KATNAL2: variants seen among roughly 807,000 people sequenced by gnomAD.
The protein encoded by KATNAL2 is katanin p60 ATPase-containing subunit A-like 2.
In KATNAL2, 52 loss-of-function variants were observed where a neutral mutation model predicts 76.3. The observed-to-expected ratio is 0.68, with a 90% CI of 0.55 to 0.86. KATNAL2 has a LOEUF of 0.86. Ranked by LOEUF, KATNAL2 falls within the 40% of genes least tolerant of loss-of-function variation. KATNAL2 has a pLI of 0.00. For synonymous variants in KATNAL2, 243 were observed against 244.2 expected (o/e 1.00, Z 0.05); for missense variants, 660 against 668.9 (o/e 0.99, Z 0.15).
At chr18:47,060,465 A>G (rs564369802) in intron 8 of KATNAL2, among the ~76,000 whole-genome samples, 82 of 152,296 alleles carry the variant, frequency 5.4e-4, no homozygotes, top group Middle Eastern at 6.8e-3. Context: ...TTCATAATGA[A>G]TCTCATGTCT....
Position 46,929,185 on chromosome 18 carries a change from C to T in KATNAL2, c.-510+11259C>T, listed in dbSNP as rs576706748. Among the ~76,000 whole-genome samples the T allele has an allele frequency of 2.6e-4, 39 of 151,774 alleles. No individual in the cohort carries two copies. The South Asian group carries it at 7.5e-3, about 29-fold the overall frequency. ...ATACAGCGTATACTCTTCTGCTTGG[C>T]TTTTTAAATTCAGCATAAATTATTT... On this transcript the variant is annotated intron_variant, in intron 1 of 17. Transcript: ENST00000683218.
At chr18:47,037,791 T>C (rs998818) in intron 3 of KATNAL2, among the ~76,000 whole-genome samples, 7,430 of 152,270 alleles carry the variant, frequency 0.049, 280 homozygotes, top group East Asian at 0.13. Context: ...CACATTATTA[T>C]TTTAAGACCT....
intron 3 of KATNAL2, among the ~76,000 whole-genome samples, chr18:47,039,637 T>TG (rs2060896070): frequency 6.6e-6 from 1 of 152,218 alleles, no homozygotes; most frequent in Non-Finnish European, 1.5e-5. Flanking sequence ...CCCAGTGCAG[T>TG]GGATCCAGTA....
At position 47,044,201 on chromosome 18, in the gene KATNAL2, G is replaced by A. The variant is rs191395615; in HGVS notation, c.52-2256G>A. On this transcript the variant is annotated intron_variant, in intron 3 of 17. Transcript: ENST00000683218. The stretch of plus-strand genomic sequence containing the variant: ...TACACTAACACTAATGATAGCTGAT[G>A]AGAAAAAAAAAGCAAAAAAAAATCT... 4.6e-5 allele frequency among the ~76,000 whole-genome samples: 7 copies of A among 151,396 alleles called. No homozygotes were observed. The East Asian group carries it at 1.2e-3, about 25-fold the overall frequency.
intron 3 of KATNAL2, among the ~76,000 whole-genome samples, chr18:46,949,110 C>G (rs968630714): frequency 6.6e-6 from 1 of 152,064 alleles, no homozygotes; most frequent in Non-Finnish European, 1.5e-5. Flanking sequence ...GTTGTCCAGG[C>G]TGGTCTTGAA....
At chr18:47,065,507 T>G (rs1455239136) in intron 10 of KATNAL2, among the ~76,000 whole-genome samples, 1 of 151,956 alleles carries the variant, frequency 6.6e-6, no homozygotes, top group African/African-American at 2.4e-5. Context: ...AGAGACCATT[T>G]CTAGAGACCC....
chr18:47,101,539 T>G lies in KATNAL2; in HGVS notation c.*534T>G, dbSNP rs1766893087. Reference sequence around the variant, plus strand: ...CCCCCTAATTCTGACTCCATCCAGCTTTGTCAGCAGCAAACCCCTCCCAAA... The same window carrying G: ...CCCCCTAATTCTGACTCCATCCAGCGTTGTCAGCAGCAAACCCCTCCCAAA... On this transcript the variant is annotated 3_prime_UTR_variant, in exon 18 of 18. Coordinates refer to ENST00000683218, the MANE Select transcript of KATNAL2 (RefSeq NM_001387690.1). 6.5e-6 allele frequency: 1 copy of G among 154,428 alleles called. No homozygotes were observed. Among genetic ancestry groups the G allele is most frequent in the Admixed American group, 6.3e-5 (1 of 15,762 alleles). 9.6% of individuals were successfully genotyped at this position (154,428 alleles called of 1,614,324 possible). A position where few individuals can be genotyped will look rare whatever the true frequency, so the allele number is the denominator to read the frequency against.
chr18:47,099,461 T>C lies in KATNAL2; in HGVS notation c.1374+56T>C, dbSNP rs578037845. The C allele has an allele frequency of 2.7e-6, 4 of 1,501,920 alleles. No individual in the cohort carries two copies. The South Asian group carries it at 5.2e-5, about 20-fold the overall frequency. The allele number at this position is 1,501,920 out of a possible 1,614,324, so 93.0% of individuals were successfully genotyped here. On this transcript the variant is annotated intron_variant, in intron 16 of 17. Transcript: ENST00000683218. Reference sequence around the variant, plus strand: ...GTCAAGGGCCCACCATATGGCCATCTTGTAGACCAGGTCTTACCATGAGCT... The same window carrying C: ...GTCAAGGGCCCACCATATGGCCATCCTGTAGACCAGGTCTTACCATGAGCT...
chr18:47,063,045 C>G lies in KATNAL2; in HGVS notation c.623C>G (p.Thr208Ser), dbSNP rs770972527. The G allele has an allele frequency of 6.2e-7, 1 of 1,614,070 alleles. No individual in the cohort carries two copies. The highest frequency in any genetic ancestry group is 8.5e-7 in the Non-Finnish European group (1 of 1,179,954). The change falls in exon 9 of 18, where the codon ACC (threonine) becomes AGC (serine). Residue 208 changes from threonine (T) to serine (S), a missense_variant. Transcript: ENST00000683218. ...GCAACCAGTGAACTTGCCTTGAACA[C>G]CTTCGACCATAATCCAGACCCCTCA... ...KGATSELALNTFDHNPDPSER... is the reference protein window; with the variant it reads ...KGATSELALNSFDHNPDPSER...
chr18:46,945,720 TTAGA>T (rs2146657680), intron 1 of KATNAL2, among the ~76,000 whole-genome samples: 1 of 152,370 alleles, frequency 6.6e-6, no homozygotes, highest in Non-Finnish European at 1.5e-5. Flanking sequence ...TAGGATTATA[TTAGA>T]TAGCCAAGTA....
chr18:47,053,477 A>T (rs2147099931), intron 5 of KATNAL2, among the ~76,000 whole-genome samples: 1 of 152,312 alleles, frequency 6.6e-6, no homozygotes, highest in African/African-American at 2.4e-5. Flanking sequence ...AGATAATGAA[A>T]AGCTTTTGAA....
In KATNAL2 at chr18:46,946,381, C is replaced by G; in HGVS notation, c.-185C>G. ...AGTGTCCACAGCAGATTCGTCCAGT[C>G]TAGATAGACCATGCACAGAGAATTT... On this transcript the variant is annotated 5_prime_UTR_variant, in exon 2 of 18. Transcript: ENST00000683218. 1 of 1,036,260 alleles carries G rather than the reference C, an allele frequency of 9.7e-7. No individual in the cohort carries two copies. The highest frequency in any genetic ancestry group is 1.2e-6 in the Non-Finnish European group (1 of 859,226). The allele number at this position is 1,036,260 out of a possible 1,614,324, so 64.2% of individuals were successfully genotyped here.
chr18:46,934,557 C>T (rs1489102542), intron 1 of KATNAL2, among the ~76,000 whole-genome samples: 13 of 152,166 alleles, frequency 8.5e-5, no homozygotes, highest in South Asian at 4.1e-4. Flanking sequence ...AGCCCTTTGT[C>T]AGATGAGTAG....
intron 3 of KATNAL2, among the ~76,000 whole-genome samples, chr18:46,959,023 G>C (rs192280990): frequency 2.0e-5 from 3 of 152,288 alleles, no homozygotes; most frequent in Non-Finnish European, 2.9e-5. Flanking sequence ...TTTAAAATGA[G>C]TGTTGTTAAA....
At chr18:47,043,245 A>AAAAAAAAAAAAAAATAAAT (rs376877321) in intron 3 of KATNAL2, among the ~76,000 whole-genome samples, 2 of 93,176 alleles carry the variant, frequency 2.1e-5, no homozygotes, top group Non-Finnish European at 4.2e-5. Flanking sequence ...AAAAAAAAAA[A>AAAAAAAAAAAAAAATAAAT]GAGATCCTAA....
chr18:47,035,631 G>T (rs2060738296), intron 3 of KATNAL2: 1 of 451,894 alleles, frequency 2.2e-6, no homozygotes, highest in Non-Finnish European at 4.2e-6. Flanking sequence ...TAGCTCTTGG[G>T]CTGCCCCGCC....
In KATNAL2 at chr18:47,077,423, A is replaced by T. The variant is rs112035176; in HGVS notation, c.1173A>T (p.Glu391Asp). 8.2e-5 allele frequency: 132 copies of T among 1,614,082 alleles called. 1 individual carries two copies. The African/African-American group carries it at 1.5e-3, about 19-fold the overall frequency. The change falls in exon 15 of 18, where the codon GAA becomes GAT. Residue 391 changes from glutamate to aspartate, a missense_variant. By Grantham distance (45) the Glu-to-Asp change is conservative. Transcript: ENST00000683218. ...LVQMDGLARS[E>D]DLVFVLAASN... ...AGATGGATGGGCTGGCACGCTCAGA[A>T]GATCTCGTATTTGTCTTAGCAGCTT...
chr18:46,936,480 C>G (rs114668891), intron 1 of KATNAL2, among the ~76,000 whole-genome samples: 2,950 of 152,124 alleles, frequency 0.019, 82 homozygotes, highest in African/African-American at 0.066. Flanking sequence ...TGGTATGCAC[C>G]TGTATTCTCA....
At chr18:46,947,348 C>T (rs1005486355) in intron 3 of KATNAL2, among the ~76,000 whole-genome samples, 4 of 152,148 alleles carry the variant, frequency 2.6e-5, no homozygotes, top group African/African-American at 9.7e-5. Context: ...ATCACTAAGG[C>T]GAGAGATCTT....
Sources: allele counts gnomAD v4.1 joint callset (sites outside exome capture counted in the v4.1 genomes callset), GRCh38; gene constraint gnomAD v4.1.1; transcripts MANE v1.5; gene names NCBI Gene and HGNC (gene_info 2026-07-23, HGNC 2026-07-21).